Variants in ADCY1 observed in about 807,000 individuals in gnomAD.
ADCY1 encodes adenylate cyclase type 1.
In ADCY1, 28 loss-of-function variants were observed where a neutral mutation model predicts 105.4. The ratio of observed to expected loss-of-function variants is 0.27; its 90% CI spans 0.20 to 0.36. ADCY1 has a LOEUF of 0.36. Ranked by LOEUF, ADCY1 falls within the 10% of genes least tolerant of loss-of-function variation. The pLI is 1.00. For missense variants in ADCY1, 977 were observed against 1,434.2 expected (o/e 0.68, Z 5.15); for synonymous variants, 655 against 623.8 (o/e 1.05, Z -0.75).
rs930891315 is a variant in ADCY1, at chr7:45,629,678, C to T, written c.1020+6935C>T. Among the ~76,000 whole-genome samples the T allele has an allele frequency of 2.9e-4, 44 of 152,160 alleles. 1 individual carries two copies. Among genetic ancestry groups the T allele is most frequent in the African/African-American group, 1.0e-3 (42 of 41,436 alleles). ...GGACTACAGGCGCCCGCCACTGCGC[C>T]CGGCTAATTTTTTTGTATTTTTAGT... On this transcript the variant is annotated intron_variant, in intron 4 of 19. Coordinates refer to ENST00000297323, the MANE Select transcript of ADCY1 (RefSeq NM_021116.4).
rs755500831 is a variant in ADCY1 at position 45,708,353 on chromosome 7, A to G, written c.2821A>G (p.Lys941Glu). 6.2e-7 allele frequency: 1 copy of G among 1,613,322 alleles called. No individual in the cohort carries two copies. ...GLAPTSGTKA[K>E]KSISSHLSTL... Reference sequence around the variant, plus strand: ...GACCCCATCTGTTTACACCTAGGCTAAGAAGTCCATCTCCTCCCACCTGAG... The same window carrying G: ...GACCCCATCTGTTTACACCTAGGCTGAGAAGTCCATCTCCTCCCACCTGAG... Residue 941 changes from lysine (K) to glutamate (E), a missense_variant, in exon 18 of 20, where the codon AAG becomes GAG. Lys to Glu is a moderately conservative substitution (Grantham distance 56). Transcript: ENST00000297323. This position sits in a 1 kb window ranked among gnomAD's most constrained non-coding sequence, Gnocchi z 4.7.
rs541268362 is a variant in ADCY1 at position 45,595,261 on chromosome 7, G to A, written c.789+2353G>A. Among the ~76,000 whole-genome samples, 295 of 152,312 alleles carry A rather than the reference G, an allele frequency of 1.9e-3. 1 individual carries two copies. The highest frequency in any genetic ancestry group is 3.1e-3 in the Non-Finnish European group (214 of 68,032). On this transcript the variant is annotated intron_variant, in intron 2 of 19. Transcript: ENST00000297323. The stretch of plus-strand genomic sequence containing the variant: ...ATCAGCAGCAGTGGGGAGCCTGTTA[G>A]GAATGCAGATTACCAGGCCTCACCC...
At chr7:45,604,796 A>T (rs1317653165) in intron 2 of ADCY1, among the ~76,000 whole-genome samples, 2 of 152,190 alleles carry the variant, frequency 1.3e-5, no homozygotes, top group African/African-American at 2.4e-5. Flanking sequence ...AATTATGTTA[A>T]GTAGTATTAT....
intron 11 of ADCY1, among the ~76,000 whole-genome samples, chr7:45,681,528 T>C (rs1422957075): frequency 1.3e-5 from 2 of 152,194 alleles, no homozygotes; most frequent in East Asian, 3.8e-4. Context: ...CCATCAGTGG[T>C]GCTTGCGGCT....
chr7:45,685,983 T>C lies in ADCY1; in HGVS notation c.2095T>C (p.Trp699Arg), dbSNP rs1370005779. ...GCVVGCLPWAWSSKPNSSLVV... is the reference protein window; with the variant it reads ...GCVVGCLPWARSSKPNSSLVV... ...CCAGGTGGGCTGCCTGCCTTGGGCC[T>C]GGAGCTCCAAGCCCAACAGTTCCCT... is the stretch of plus-strand genomic sequence containing the variant. The change falls in exon 13 of 20, where the codon TGG becomes CGG. Residue 699 changes from tryptophan to arginine, a missense_variant. Trp to Arg is a moderately radical substitution (Grantham distance 101). Transcript: ENST00000297323. 2 of 1,613,570 alleles carry C rather than the reference T, an allele frequency of 1.2e-6. No homozygotes were observed. The highest frequency in any genetic ancestry group is 8.5e-7 in the Non-Finnish European group (1 of 1,179,724).
At chr7:45,662,859 C>T (rs921201554) in intron 8 of ADCY1, among the ~76,000 whole-genome samples, 1 of 152,204 alleles carries the variant, frequency 6.6e-6, no homozygotes, top group African/African-American at 2.4e-5. Context: ...AGGGCGAGCC[C>T]GGAAGCCTGG....
At chr7:45,648,251 T>TG (rs1794715486) in intron 4 of ADCY1, among the ~76,000 whole-genome samples, 1 of 152,136 alleles carries the variant, frequency 6.6e-6, no homozygotes, top group African/African-American at 2.4e-5. Flanking sequence ...CTGGGGGGAA[T>TG]CTAGCACATT....
At chr7:45,576,732 G>A (rs1792359705) in intron 1 of ADCY1, among the ~76,000 whole-genome samples, 1 of 152,028 alleles carries the variant, frequency 6.6e-6, no homozygotes, top group African/African-American at 2.4e-5. Flanking sequence ...TGGGCCTCAT[G>A]CTGGCCCCCA....
Position 45,721,401 on chromosome 7 carries a change from A to C in ADCY1, c.*7406A>C. 1 of 344,374 alleles carries C rather than the reference A, an allele frequency of 2.9e-6. No individual in the cohort carries two copies. 21.3% of individuals were successfully genotyped at this position (344,374 alleles called of 1,614,324 possible). On this transcript the variant is annotated 3_prime_UTR_variant, in exon 20 of 20. Coordinates refer to ENST00000297323, the MANE Select transcript of ADCY1 (RefSeq NM_021116.4). ...TATATTCTAAAACTATATTTGAGCG[A>C]AACCTGTCATTGCGTCTAATTTCAA...
intron 4 of ADCY1, among the ~76,000 whole-genome samples, chr7:45,629,163 T>A (rs1397334779): frequency 6.6e-6 from 1 of 152,230 alleles, no homozygotes; most frequent in Admixed American, 6.5e-5. Context: ...TCACTACAAA[T>A]AAGTTGGAAT....
Position 45,660,063 on chromosome 7 carries a change from G to A in ADCY1, c.1329G>A (p.Thr443=), listed in dbSNP as rs759252700. The part of the protein sequence containing the change: ...GLPGKVHITK[T]TLACLNGDYE... ...GTAGGAAGGTTCATATCACAAAGAC[G>A]ACCCTAGCGTGCTTGAATGGGGACT... Residue 443 remains threonine, a synonymous_variant, in exon 7 of 20, where the codon ACG becomes ACA. Coordinates refer to ENST00000297323, the MANE Select transcript of ADCY1 (RefSeq NM_021116.4). 17 of 1,614,042 alleles carry A rather than the reference G, an allele frequency of 1.1e-5. No homozygotes were observed. In the African/African-American group the frequency reaches 1.9e-4, roughly 18 times the overall value.
chr7:45,589,570 G>A (rs1014533588), intron 1 of ADCY1, among the ~76,000 whole-genome samples: 2 of 152,142 alleles, frequency 1.3e-5, no homozygotes, highest in Non-Finnish European at 2.9e-5. Context: ...GGAGAGAATC[G>A]AGAGTTCCAG....
intron 4 of ADCY1, 120 bp from the exon 5 acceptor site, chr7:45,648,550 G>C: frequency 7.2e-7 from 1 of 1,380,084 alleles, no homozygotes; most frequent in South Asian, 1.3e-5. Flanking sequence ...TGGTGGCCCA[G>C]GTGCAGCATG....
At chr7:45,664,907 T>C (rs1374979665) in intron 8 of ADCY1, among the ~76,000 whole-genome samples, 4 of 152,294 alleles carry the variant, frequency 2.6e-5, no homozygotes, top group Middle Eastern at 3.4e-3. Flanking sequence ...ATTAGGTATT[T>C]GTCCTAATGC....
chr7:45,632,691 G>A (rs1794291011), intron 4 of ADCY1, among the ~76,000 whole-genome samples: 1 of 152,034 alleles, frequency 6.6e-6, no homozygotes, highest in African/African-American at 2.4e-5. Flanking sequence ...AGCCTCCTGA[G>A]TAGCTGGGAC....
intron 4 of ADCY1, among the ~76,000 whole-genome samples, chr7:45,639,889 C>G (rs1794492304): frequency 6.6e-6 from 1 of 152,182 alleles, no homozygotes; most frequent in African/African-American, 2.4e-5. Flanking sequence ...GCTGAGCCAA[C>G]TGATGGCCTC....
At chr7:45,627,271 A>G (rs907079606) in intron 4 of ADCY1, among the ~76,000 whole-genome samples, 1 of 152,196 alleles carries the variant, frequency 6.6e-6, no homozygotes, top group African/African-American at 2.4e-5. Context: ...TCTCCCTAGA[A>G]GAGAACTCCT....
intron 4 of ADCY1, among the ~76,000 whole-genome samples, chr7:45,637,012 C>A: frequency 6.6e-6 from 1 of 152,076 alleles, no homozygotes; most frequent in East Asian, 1.9e-4. Context: ...TCTTTGTTCC[C>A]TTTTTTGTTT....
At chr7:45,706,492 CAAAAAAAAAAAA>C (rs58794109) in intron 17 of ADCY1, among the ~76,000 whole-genome samples, 6 of 59,462 alleles carry the variant, frequency 1.0e-4, no homozygotes, top group African/African-American at 3.9e-4. Flanking sequence ...ACATCACATG[CAAAAAAAAAAAA>C]AAAAAAAAAG....
Sources: gnomAD v4.1 joint callset for allele counts (sites outside exome capture counted in the v4.1 genomes callset) on GRCh38, gnomAD v4.1.1 for gene constraint, Gnocchi (gnomAD v3.1) non-coding constraint, MANE v1.5 for transcripts, NCBI Gene and HGNC (gene_info 2026-07-23, HGNC 2026-07-21) for gene names.